Variants in TGM2 observed in about 807,000 individuals in gnomAD.
The protein encoded by TGM2 is protein-glutamine gamma-glutamyltransferase 2.
Under a neutral mutation model 75.6 loss-of-function variants are expected in TGM2, and 53 were observed. The observed-to-expected ratio is 0.70, with a 90% CI of 0.56 to 0.88. The LOEUF is 0.88. TGM2 is among the 40% of genes least tolerant of loss of function. TGM2 has a pLI of 0.00. For missense variants in TGM2, 842 were observed against 928.5 expected (o/e 0.91, Z 1.21); for synonymous variants, 374 against 381.1 (o/e 0.98, Z 0.22).
At position 38,138,247 on chromosome 20, in the gene TGM2, T is replaced by C. The variant is rs151245834; in HGVS notation, c.1481A>G (p.His494Arg). The C allele has an allele frequency of 6.2e-7, 1 of 1,613,762 alleles. No homozygotes were observed. The highest frequency in any genetic ancestry group is 1.7e-5 in the Admixed American group (1 of 59,954). The stretch of plus-strand genomic sequence containing the variant: ...CTCCTCAGCGGTGTTGTTGGTGATG[T>C]GGGCAAAGACGTCAAAGTCACTGCC... The part of the protein sequence containing the change: ...NMGSDFDVFA[H>R]ITNNTAEEYV... Residue 494 changes from histidine to arginine, a missense_variant, in exon 10 of 13, where the codon CAC (histidine) becomes CGC (arginine). His to Arg is a conservative substitution (Grantham distance 29, BLOSUM62 0). Coordinates refer to ENST00000361475, the MANE Select transcript of TGM2 (RefSeq NM_004613.4).
chr20:38,161,261 T>C (rs2075248341), intron 2 of TGM2, among the ~76,000 whole-genome samples, 159 bp downstream of exon 2: 2 of 152,210 alleles, frequency 1.3e-5, no homozygotes, highest in South Asian at 4.1e-4. Context: ...CTCAGTTCCC[T>C]CATCTCTAAA....
chr20:38,138,833 C>A (rs2074933455), intron 9 of TGM2, among the ~76,000 whole-genome samples: 1 of 152,230 alleles, frequency 6.6e-6, no homozygotes. Context: ...TTGCTCCCTT[C>A]CTTATATTCC....
chr20:38,140,218 C>T (rs1269776253), intron 8 of TGM2, among the ~76,000 whole-genome samples: 1 of 152,232 alleles, frequency 6.6e-6, no homozygotes, highest in African/African-American at 2.4e-5. Flanking sequence ...GGTTGATAAC[C>T]GCCCCACACT....
At chr20:38,154,716 T>C (rs45541131) in intron 3 of TGM2, among the ~76,000 whole-genome samples, 288 of 152,300 alleles carry the variant, frequency 1.9e-3, no homozygotes, top group African/African-American at 6.2e-3. Flanking sequence ...CTGGACGGTC[T>C]AACTGCTCCT....
At position 38,130,119 on chromosome 20, in the gene TGM2, T is replaced by C. The variant is rs977138510; in HGVS notation, c.*100A>G. 3.5e-4 allele frequency: 537 copies of C among 1,535,572 alleles called. No homozygotes were observed. Among genetic ancestry groups the C allele is most frequent in the Non-Finnish European group, 4.6e-4 (518 of 1,131,574 alleles). ...CCCCCATAGGCTGCCCACCCTGCCCTGGGGTCTGGGGCCCAAGAAGGGGCA... is the reference window on the plus strand; with the variant it reads ...CCCCCATAGGCTGCCCACCCTGCCCCGGGGTCTGGGGCCCAAGAAGGGGCA... On this transcript the variant is annotated 3_prime_UTR_variant, in exon 13 of 13. Coordinates refer to ENST00000361475, the MANE Select transcript of TGM2 (RefSeq NM_004613.4).
chr20:38,146,315 C>G, intron 6 of TGM2: 1 of 338,032 alleles, frequency 3.0e-6, no homozygotes, highest in South Asian at 2.5e-5. Flanking sequence ...CACACCCACT[C>G]TAGGAGGAAG....
Position 38,139,413 on chromosome 20 carries a change from C to G in TGM2, c.1341G>C (p.Glu447Asp). Residue 447 changes from glutamate (E) to aspartate (D), a missense_variant and splice_region_variant, in exon 9 of 13, where the codon GAG becomes GAC. Glu to Asp is a conservative substitution (Grantham distance 45). Transcript: ENST00000361475. Reference sequence around the variant, plus strand: ...ATTAAAGACTCTGAGGGCACATACCCTCTGGGTATTTGTAGGTGTGGGTGA... The same window carrying G: ...ATTAAAGACTCTGAGGGCACATACCGTCTGGGTATTTGTAGGTGTGGGTGA... ...EDITHTYKYP[E>D]GSSEEREAFT... 1 of 1,614,138 alleles carries G rather than the reference C, an allele frequency of 6.2e-7. No individual in the cohort carries two copies.
At chr20:38,166,305 A>ATCCCTCCCCCGGCCTTCTCTTCCC (rs2075309429), upstream of TGM2, 1 of 144,526 alleles carries the variant, frequency 6.9e-6, no homozygotes, top group African/African-American at 2.5e-5. Flanking sequence ...CCCTTCATCC[A>ATCCCTCCCCCGGCCTTCTCTTCCC]TCCCTCCCTC....
At chr20:38,165,671 AACACAC>A (rs71833660), upstream of TGM2, among the ~76,000 whole-genome samples, 61 of 143,314 alleles carry the variant, frequency 4.3e-4, no homozygotes, top group East Asian at 2.5e-3. Flanking sequence ...CCCCACCCCC[AACACAC>A]ACACACACAC....
chr20:38,164,493 C>T (rs1040680810), intron 1 of TGM2, among the ~76,000 whole-genome samples: 2 of 152,184 alleles, frequency 1.3e-5, no homozygotes, highest in East Asian at 1.9e-4. Flanking sequence ...CCACTCCTCT[C>T]GTTCCTCACA....
In TGM2 at chr20:38,155,994, G is replaced by C; in HGVS notation, c.286C>G (p.Gln96Glu). ...GDWTATVVDQQDCTLSLQLTT... is the reference protein window; with the variant it reads ...GDWTATVVDQEDCTLSLQLTT... ...AGCTGCAGCGAGAGGGTGCAGTCTT[G>C]CTGGTCCACCACGGTGGCTGTCCAG... The change falls in exon 3 of 13, where the codon CAA becomes GAA. Residue 96 changes from glutamine to glutamate, a missense_variant. Gln to Glu is a conservative substitution (Grantham distance 29). Coordinates refer to ENST00000361475, the MANE Select transcript of TGM2 (RefSeq NM_004613.4). 6.2e-7 allele frequency: 1 copy of C among 1,613,724 alleles called. No individual in the cohort carries two copies. Among genetic ancestry groups the C allele is most frequent in the Non-Finnish European group, 8.5e-7 (1 of 1,179,920 alleles).
At position 38,165,237 on chromosome 20, in the gene TGM2, G is replaced by A; in HGVS notation, c.-39C>T. ...CGGTGGCTCCTTCCACTGGCGGCGAGACCCTCCAAGTGCGACCACTGGCGG... is the reference window on the plus strand; with the variant it reads ...CGGTGGCTCCTTCCACTGGCGGCGAAACCCTCCAAGTGCGACCACTGGCGG... On this transcript the variant is annotated 5_prime_UTR_variant, in exon 1 of 13. Coordinates refer to ENST00000361475, the MANE Select transcript of TGM2 (RefSeq NM_004613.4). The A allele has an allele frequency of 3.7e-6, 6 of 1,612,002 alleles. No homozygotes were observed. Among genetic ancestry groups the A allele is most frequent in the Non-Finnish European group, 5.1e-6 (6 of 1,179,826 alleles).
intron 10 of TGM2, among the ~76,000 whole-genome samples, chr20:38,135,436 C>T (rs1242049820): frequency 6.6e-6 from 1 of 151,126 alleles, no homozygotes; most frequent in East Asian, 1.9e-4. Context: ...CACACACATA[C>T]ACACACACAA....
At chr20:38,155,252 G>A (rs1213279602) in intron 3 of TGM2, among the ~76,000 whole-genome samples, 1 of 152,222 alleles carries the variant, frequency 6.6e-6, no homozygotes, top group Non-Finnish European at 1.5e-5. Context: ...CTAAGCCCCA[G>A]TTCATAGTGG....
intron 3 of TGM2, among the ~76,000 whole-genome samples, chr20:38,151,322 A>G (rs2075113793): frequency 6.6e-6 from 1 of 152,212 alleles, no homozygotes; most frequent in African/African-American, 2.4e-5. Context: ...GTATTAATAA[A>G]TTTAATCTCC....
chr20:38,147,352 C>T (rs186576779), intron 5 of TGM2, among the ~76,000 whole-genome samples: 1 of 152,154 alleles, frequency 6.6e-6, no homozygotes, highest in Non-Finnish European at 1.5e-5. Flanking sequence ...TTCCTCTGCA[C>T]CCACGGGCCC....
chr20:38,144,693 C>T (rs2075023291), intron 6 of TGM2, among the ~76,000 whole-genome samples: 1 of 152,198 alleles, frequency 6.6e-6, no homozygotes, highest in South Asian at 2.1e-4. Flanking sequence ...CCCAAGTCCA[C>T]CCAGGGGTTA....
intron 10 of TGM2, among the ~76,000 whole-genome samples, chr20:38,135,794 C>G (rs2074893447): frequency 6.6e-6 from 1 of 152,148 alleles, no homozygotes; most frequent in Non-Finnish European, 1.5e-5. Context: ...CCCCACGCCT[C>G]TTAGCACTCG....
intron 12 of TGM2, 103 bp from the exon 13 acceptor site, chr20:38,130,472 G>A (rs376690162): frequency 7.6e-6 from 10 of 1,308,678 alleles, no homozygotes; most frequent in Admixed American, 6.5e-5. Flanking sequence ...TCAGCACAGC[G>A]TGTCCATGAA....
Sources: allele counts gnomAD v4.1 joint callset (sites outside exome capture counted in the v4.1 genomes callset), GRCh38; gene constraint gnomAD v4.1.1; transcripts MANE v1.5; gene names NCBI Gene and HGNC (gene_info 2026-07-23, HGNC 2026-07-21).